Variants in DLG2 observed in about 807,000 individuals in gnomAD.
DLG2 encodes disks large homolog 2.
A neutral mutation model predicts 132.5 loss-of-function variants in DLG2; 45 were observed. The observed-to-expected ratio is 0.34, with a 90% CI of 0.27 to 0.44. The LOEUF (loss-of-function observed/expected upper bound fraction) is 0.44. Among genes scored for constraint, DLG2 ranks in the 20% least tolerant of loss-of-function variants. The probability of loss-of-function intolerance (pLI) is 1.00; values close to 1 mark genes in which losing one functional copy is unlikely to be tolerated. For synonymous variants in DLG2, 424 were observed against 419.6 expected (o/e 1.01, Z -0.13); for missense variants, 1,045 against 1,196.9 (o/e 0.87, Z 1.87).
rs190827433 is a variant in DLG2 at position 85,422,013 on chromosome 11, C to T, written c.41-136648G>A. Among the ~76,000 whole-genome samples, 328 of 152,272 alleles carry T rather than the reference C, an allele frequency of 2.2e-3. 2 individuals are homozygous for T. Among genetic ancestry groups the T allele is most frequent in the African/African-American group, 7.7e-3 (318 of 41,566 alleles). ...TTATTTGAGGAGGATGAAGATAGGGCCCCAATCCCTTCTAGCTTGTAAAGT... is the reference window on the plus strand; with the variant it reads ...TTATTTGAGGAGGATGAAGATAGGGTCCCAATCCCTTCTAGCTTGTAAAGT... On this transcript the variant is annotated intron_variant, in intron 3 of 27. Coordinates refer to ENST00000376104, the MANE Select transcript of DLG2 (RefSeq NM_001142699.3).
At chr11:84,412,737 T>C (rs985904350) in intron 7 of DLG2, among the ~76,000 whole-genome samples, 4 of 152,186 alleles carry the variant, frequency 2.6e-5, no homozygotes, top group African/African-American at 9.6e-5. Context: ...GGCTCCATGG[T>C]TTTGAGCTTT....
chr11:84,327,766 A>T (rs1211184456), intron 7 of DLG2, among the ~76,000 whole-genome samples: 1 of 152,076 alleles, frequency 6.6e-6, no homozygotes, highest in Non-Finnish European at 1.5e-5. Context: ...TTTTTATATT[A>T]TGTGTCCATT....
chr11:83,479,094 A>G (rs1452480321), intron 22 of DLG2, among the ~76,000 whole-genome samples: 1 of 152,088 alleles, frequency 6.6e-6, no homozygotes, highest in Non-Finnish European at 1.5e-5. Context: ...ATCAATCAAT[A>G]AAACTTTCAT....
At chr11:84,824,875 C>T (rs891933455) in intron 6 of DLG2, among the ~76,000 whole-genome samples, 2 of 151,840 alleles carry the variant, frequency 1.3e-5, no homozygotes, top group Non-Finnish European at 2.9e-5. Context: ...GTGGCCTCCC[C>T]CTCAGCCACA....
chr11:85,444,210 C>T (rs1380298356), intron 3 of DLG2, among the ~76,000 whole-genome samples: 1 of 152,010 alleles, frequency 6.6e-6, no homozygotes, highest in African/African-American at 2.4e-5. Context: ...GGAAACACAA[C>T]AGAAATGAAA....
chr11:84,757,268 T>A (rs1450584560), intron 6 of DLG2, among the ~76,000 whole-genome samples: 1 of 152,094 alleles, frequency 6.6e-6, no homozygotes, highest in East Asian at 1.9e-4. Context: ...TTTATAACAA[T>A]TTGACCAAGT....
chr11:85,038,998 A>T (rs1237853484), intron 6 of DLG2, among the ~76,000 whole-genome samples: 2 of 152,034 alleles, frequency 1.3e-5, no homozygotes, highest in Admixed American at 6.6e-5. Context: ...AAAAATAAGA[A>T]TAGGTATATA....
At chr11:85,419,566 C>T (rs1263578844) in intron 3 of DLG2, among the ~76,000 whole-genome samples, 2 of 152,312 alleles carry the variant, frequency 1.3e-5, no homozygotes, top group South Asian at 2.1e-4. Context: ...TTCAAGTACA[C>T]CTATCAAATG....
At chr11:83,858,426 G>C (rs1020664555) in intron 16 of DLG2, among the ~76,000 whole-genome samples, 32 of 152,154 alleles carry the variant, frequency 2.1e-4, no homozygotes, top group African/African-American at 7.7e-4. Flanking sequence ...GAAAAAATCA[G>C]AGGAATGAAG....
intron 19 of DLG2, among the ~76,000 whole-genome samples, chr11:83,555,829 C>G (rs986866838): frequency 6.6e-6 from 1 of 152,174 alleles, no homozygotes; most frequent in Non-Finnish European, 1.5e-5. Context: ...AAAATCTTCT[C>G]TTCTTTTATT....
chr11:84,913,904 T>C (rs11827254), intron 6 of DLG2, among the ~76,000 whole-genome samples: 2,126 of 152,302 alleles, frequency 0.014, 41 homozygotes, highest in African/African-American at 0.047. Flanking sequence ...CCAACACAAA[T>C]GCAAAGGGCT....
At chr11:85,584,157 T>G (rs1245082614) in intron 3 of DLG2, among the ~76,000 whole-genome samples, 2 of 152,076 alleles carry the variant, frequency 1.3e-5, no homozygotes, top group Non-Finnish European at 2.9e-5. Flanking sequence ...CTTTTTTCCT[T>G]CACCCTCTGC....
chr11:83,691,959 C>A (rs1057203150), intron 18 of DLG2: 4 of 152,290 alleles, frequency 2.6e-5, no homozygotes, highest in African/African-American at 9.6e-5. Context: ...GAAGAGCTTT[C>A]ACATATGTTA....
At chr11:83,724,898 G>C in intron 18 of DLG2, 1 of 702,484 alleles carries the variant, frequency 1.4e-6, no homozygotes, top group Non-Finnish European at 2.6e-6. Context: ...AGCATAGCAG[G>C]CAGCTGCTTC....
intron 7 of DLG2, among the ~76,000 whole-genome samples, chr11:84,279,694 A>G (rs1482797333): frequency 6.6e-6 from 1 of 152,190 alleles, no homozygotes; most frequent in Non-Finnish European, 1.5e-5. Flanking sequence ...CATTCTCAGC[A>G]AACTAACACA....
At chr11:85,105,961 GA>G (rs939983995) in intron 6 of DLG2, among the ~76,000 whole-genome samples, 1 of 144,802 alleles carries the variant, frequency 6.9e-6, no homozygotes, top group African/African-American at 2.6e-5. Flanking sequence ...TGCATTCTGG[GA>G]AAAAAAGGGT....
intron 3 of DLG2, among the ~76,000 whole-genome samples, chr11:85,333,460 C>G (rs2081915571): frequency 6.6e-6 from 1 of 152,118 alleles, no homozygotes; most frequent in Non-Finnish European, 1.5e-5. Flanking sequence ...CTAGGACTTT[C>G]AGTATTACAT....
At chr11:84,327,861 C>T (rs145555173) in intron 7 of DLG2, among the ~76,000 whole-genome samples, 1,826 of 152,284 alleles carry the variant, frequency 0.012, 15 homozygotes, top group Middle Eastern at 0.02. Flanking sequence ...GTACTAAACC[C>T]TGAGCTTTGT....
At chr11:83,595,605 C>T (rs925171646) in intron 19 of DLG2, among the ~76,000 whole-genome samples, 20 of 152,206 alleles carry the variant, frequency 1.3e-4, no homozygotes, top group Admixed American at 3.9e-4. Context: ...TTACTTTGTA[C>T]GGAACTAAAA....
Sources: allele counts gnomAD v4.1 joint callset (sites outside exome capture counted in the v4.1 genomes callset), GRCh38; gene constraint gnomAD v4.1.1; transcripts MANE v1.5; gene names NCBI Gene and HGNC (gene_info 2026-07-23, HGNC 2026-07-21).